Variants in HS6ST3 observed in about 807,000 individuals in gnomAD.
HS6ST3 encodes the protein heparan-sulfate 6-O-sulfotransferase 3.
In HS6ST3, 12 loss-of-function variants were observed where a neutral mutation model predicts 36.7. The observed-to-expected ratio is 0.33, with a 90% CI of 0.21 to 0.53. The LOEUF (loss-of-function observed/expected upper bound fraction) is 0.53. Among genes scored for constraint, HS6ST3 ranks in the 20% least tolerant of loss-of-function variants. HS6ST3 has a pLI of 0.95. For missense variants in HS6ST3, 584 were observed against 640.9 expected (o/e 0.91, Z 0.96); for synonymous variants, 240 against 257.5 (o/e 0.93, Z 0.65).
intron 1 of HS6ST3, among the ~76,000 whole-genome samples, chr13:96,706,026 TC>T (rs1566434500): frequency 6.6e-6 from 1 of 152,226 alleles, no homozygotes; most frequent in Non-Finnish European, 1.5e-5. Flanking sequence ...TATCTGAGAA[TC>T]CTTCCTTTTG....
chr13:96,602,227 T>G (rs928041307), intron 1 of HS6ST3, among the ~76,000 whole-genome samples: 5 of 152,162 alleles, frequency 3.3e-5, no homozygotes, highest in African/African-American at 1.2e-4. Context: ...TTACTGAGCT[T>G]CCTTAAAATA....
chr13:96,558,208 G>A lies in HS6ST3; in HGVS notation c.708-274282G>A, dbSNP rs563138323. Among the ~76,000 whole-genome samples, 10 of 151,966 alleles carry A rather than the reference G, an allele frequency of 6.6e-5. No homozygotes were observed. In the South Asian group the frequency reaches 1.2e-3, roughly 19 times the overall value. Reference sequence around the variant, plus strand: ...CTTTTCCAACAACCCATTCTTTGGGGAAAAAAAGTACAGTTACAGCTTTAA... The same window carrying A: ...CTTTTCCAACAACCCATTCTTTGGGAAAAAAAAGTACAGTTACAGCTTTAA... On this transcript the variant is annotated intron_variant, in intron 1 of 1. Transcript: ENST00000376705.
chr13:96,311,457 A>G (rs1165147665), intron 1 of HS6ST3, among the ~76,000 whole-genome samples: 1 of 152,154 alleles, frequency 6.6e-6, no homozygotes, highest in East Asian at 1.9e-4. Flanking sequence ...AGGAGAAGGT[A>G]GAGGAAGGAG....
chr13:96,161,242 C>T (rs1380780477), intron 1 of HS6ST3, among the ~76,000 whole-genome samples: 3 of 152,112 alleles, frequency 2.0e-5, no homozygotes, highest in Admixed American at 1.3e-4. Context: ...GATAAGTACA[C>T]TCACAGAGAT....
At chr13:96,608,898 A>G (rs2056447842) in intron 1 of HS6ST3, among the ~76,000 whole-genome samples, 1 of 152,188 alleles carries the variant, frequency 6.6e-6, no homozygotes, top group South Asian at 2.1e-4. Context: ...ATAATTCATT[A>G]AGCCATACAT....
chr13:96,253,778 A>G (rs1206201753), intron 1 of HS6ST3, among the ~76,000 whole-genome samples: 1 of 152,154 alleles, frequency 6.6e-6, no homozygotes, highest in Non-Finnish European at 1.5e-5. Context: ...TCCAGATCAA[A>G]ATGAATATAG....
intron 1 of HS6ST3, among the ~76,000 whole-genome samples, chr13:96,737,494 G>A (rs371274682): frequency 2.3e-4 from 35 of 150,720 alleles, no homozygotes; most frequent in Middle Eastern, 3.2e-3. Context: ...GCGCGGTGGC[G>A]GGTGCCTGTA....
At chr13:96,495,637 C>T (rs1428790075) in intron 1 of HS6ST3, among the ~76,000 whole-genome samples, 2 of 152,074 alleles carry the variant, frequency 1.3e-5, no homozygotes, top group African/African-American at 4.8e-5. Context: ...ATTTAAACAG[C>T]CATTTAATGA....
chr13:96,154,599 C>T (rs2139325199), intron 1 of HS6ST3, among the ~76,000 whole-genome samples: 1 of 151,780 alleles, frequency 6.6e-6, no homozygotes, highest in South Asian at 2.1e-4. Context: ...TCTTACAAAT[C>T]AATAAAAAAG....
chr13:96,739,234 T>TAA (rs1566442220), intron 1 of HS6ST3, among the ~76,000 whole-genome samples: 2 of 139,698 alleles, frequency 1.4e-5, no homozygotes, highest in African/African-American at 5.6e-5. Context: ...TGTGTGTGTG[T>TAA]GTGTGTGTGT....
chr13:96,310,983 A>C (rs1025639378), intron 1 of HS6ST3, among the ~76,000 whole-genome samples: 4 of 152,212 alleles, frequency 2.6e-5, no homozygotes, highest in African/African-American at 9.6e-5. Flanking sequence ...CTTGAAAATC[A>C]TGAAATTCAG....
intron 1 of HS6ST3, among the ~76,000 whole-genome samples, chr13:96,634,973 T>C (rs2056544317): frequency 6.6e-6 from 1 of 152,086 alleles, no homozygotes; most frequent in South Asian, 2.1e-4. Context: ...AGCCACTCAC[T>C]TCCCATGTCT....
chr13:96,792,267 A>G (rs942533857), intron 1 of HS6ST3, among the ~76,000 whole-genome samples: 2 of 152,064 alleles, frequency 1.3e-5, no homozygotes, highest in African/African-American at 4.8e-5. Context: ...CTTGAGCTGA[A>G]TAATGGAAAT....
At chr13:96,683,365 A>C (rs1436749969) in intron 1 of HS6ST3, among the ~76,000 whole-genome samples, 1 of 152,092 alleles carries the variant, frequency 6.6e-6, no homozygotes, top group Non-Finnish European at 1.5e-5. Context: ...TGATGTTTTA[A>C]TTAAACCTTG....
chr13:96,217,477 G>A (rs1017714290), intron 1 of HS6ST3, among the ~76,000 whole-genome samples: 2 of 152,144 alleles, frequency 1.3e-5, no homozygotes, highest in South Asian at 2.1e-4. Context: ...TATTGTGTGT[G>A]CATCACTAAG....
At chr13:96,614,324 A>AAAAAAAAAAT (rs1566411768) in intron 1 of HS6ST3, among the ~76,000 whole-genome samples, 1 of 123,688 alleles carries the variant, frequency 8.1e-6, no homozygotes, top group African/African-American at 3.0e-5. Flanking sequence ...AAAAAAAAAA[A>AAAAAAAAAAT]AAAACAGTTA....
chr13:96,437,100 T>A (rs1354558370), intron 1 of HS6ST3, among the ~76,000 whole-genome samples: 2 of 152,212 alleles, frequency 1.3e-5, no homozygotes, highest in Admixed American at 6.5e-5. Context: ...ATAACACAAG[T>A]CACCATGTGG....
intron 1 of HS6ST3, among the ~76,000 whole-genome samples, chr13:96,158,757 C>A (rs1278907185): frequency 6.6e-6 from 1 of 150,628 alleles, no homozygotes; most frequent in African/African-American, 2.5e-5. Context: ...GCCCCAGGGA[C>A]AGTGTTGGGC....
intron 1 of HS6ST3, among the ~76,000 whole-genome samples, chr13:96,176,751 C>T (rs2054214234): frequency 6.6e-6 from 1 of 151,956 alleles, no homozygotes; most frequent in Non-Finnish European, 1.5e-5. Flanking sequence ...GCAATTGCAA[C>T]AAAGCAAAAA....
Sources: gnomAD v4.1 joint callset for allele counts (sites outside exome capture counted in the v4.1 genomes callset) on GRCh38, gnomAD v4.1.1 for gene constraint, MANE v1.5 for transcripts, NCBI Gene and HGNC (gene_info 2026-07-23, HGNC 2026-07-21) for gene names.